DIAPH3: variants seen among roughly 807,000 people sequenced by gnomAD.
The protein encoded by DIAPH3 is protein diaphanous homolog 3.
A neutral mutation model predicts 144.3 loss-of-function variants in DIAPH3; 117 were observed. That is an observed-to-expected ratio of 0.81 (90% CI 0.70 to 0.95). The LOEUF is 0.95. DIAPH3 is among the 40% of genes least tolerant of loss of function. DIAPH3 has a pLI of 0.00. For missense variants in DIAPH3, 1,421 were observed against 1,412.7 expected, an observed-to-expected ratio of 1.01 and a Z score of -0.09; for synonymous variants, 519 against 488.9, an observed-to-expected ratio of 1.06 and a Z score of -0.81.
chr13:59,894,235 G>A (rs947982337), intron 20 of DIAPH3, among the ~76,000 whole-genome samples: 5 of 152,016 alleles, frequency 3.3e-5, no homozygotes, highest in African/African-American at 1.2e-4. Flanking sequence ...CAGAATGGGA[G>A]ATACTAAAAT....
chr13:59,670,328 A>G (rs1190377437), intron 27 of DIAPH3, among the ~76,000 whole-genome samples: 1 of 152,216 alleles, frequency 6.6e-6, no homozygotes, highest in Non-Finnish European at 1.5e-5. Context: ...AGATGTTTAT[A>G]GCTTTCTTAG....
At chr13:59,939,147 C>A (rs2048399782) in intron 17 of DIAPH3, among the ~76,000 whole-genome samples, 1 of 152,146 alleles carries the variant, frequency 6.6e-6, no homozygotes, top group South Asian at 2.1e-4. Flanking sequence ...AAACTGGGAT[C>A]ATTTAAAATG....
chr13:59,972,290 G>C (rs985375394), intron 15 of DIAPH3, among the ~76,000 whole-genome samples: 1 of 152,118 alleles, frequency 6.6e-6, no homozygotes, highest in Admixed American at 6.5e-5. Context: ...AACCGCCTGT[G>C]TCCACTGGTC....
intron 21 of DIAPH3, among the ~76,000 whole-genome samples, chr13:59,866,899 T>G (rs1317167354): frequency 2.0e-5 from 3 of 151,722 alleles, no homozygotes; most frequent in Non-Finnish European, 2.9e-5. Context: ...GACAGAAAGC[T>G]CAAAAAGTCA....
chr13:59,822,440 A>C (rs1420674871), intron 24 of DIAPH3, among the ~76,000 whole-genome samples: 2 of 151,736 alleles, frequency 1.3e-5, no homozygotes, highest in Non-Finnish European at 2.9e-5. Flanking sequence ...TTATTTATTT[A>C]TTTATTTATT....
intron 25 of DIAPH3, among the ~76,000 whole-genome samples, chr13:59,779,684 G>T (rs755973441): frequency 6.6e-6 from 1 of 151,702 alleles, no homozygotes; most frequent in African/African-American, 2.4e-5. Flanking sequence ...CCTAATTTTT[G>T]CATTTTTACT....
At chr13:59,915,552 T>G (rs2047182586) in intron 19 of DIAPH3, among the ~76,000 whole-genome samples, 1 of 152,104 alleles carries the variant, frequency 6.6e-6, no homozygotes. Context: ...AACTTTAAAT[T>G]TTATCAAGAT....
chr13:60,019,892 A>T (rs1408785883), intron 5 of DIAPH3, among the ~76,000 whole-genome samples: 1 of 151,326 alleles, frequency 6.6e-6, no homozygotes, highest in Non-Finnish European at 1.5e-5. Context: ...TTTTTCCCAA[A>T]GACTGATCTC....
At chr13:60,151,999 T>C (rs1951810269) in intron 1 of DIAPH3, among the ~76,000 whole-genome samples, 1 of 152,200 alleles carries the variant, frequency 6.6e-6, no homozygotes. Context: ...GTAAAGTCCA[T>C]AATTAATGTC....
At chr13:59,730,174 G>C (rs566347580) in intron 27 of DIAPH3, among the ~76,000 whole-genome samples, 10 of 152,246 alleles carry the variant, frequency 6.6e-5, no homozygotes, top group African/African-American at 2.4e-4. Flanking sequence ...AGCAAAACTA[G>C]TCTTAGACAT....
chr13:60,112,833 G>A (rs1342430342), intron 2 of DIAPH3, among the ~76,000 whole-genome samples: 1 of 151,976 alleles, frequency 6.6e-6, no homozygotes, highest in Non-Finnish European at 1.5e-5. Context: ...TAATCAAATA[G>A]CTTGCTGACA....
At chr13:59,769,807 C>T (rs2038031879) in intron 27 of DIAPH3, among the ~76,000 whole-genome samples, 1 of 152,016 alleles carries the variant, frequency 6.6e-6, no homozygotes, top group Non-Finnish European at 1.5e-5. Context: ...TTTCTTAACA[C>T]TCAAACACCA....
chr13:59,785,475 C>T (rs563035437), intron 25 of DIAPH3, among the ~76,000 whole-genome samples: 1 of 152,190 alleles, frequency 6.6e-6, no homozygotes, highest in African/African-American at 2.4e-5. Context: ...TCTCCTTGTG[C>T]CTCCTCATAC....
Position 60,012,759 on chromosome 13 carries a change from C to A in DIAPH3, c.772-2090G>T, listed in dbSNP as rs183122247. On this transcript the variant is annotated intron_variant, in intron 7 of 27. Transcript: ENST00000400324. Reference sequence around the variant, plus strand: ...GATACTACCTGCCTTCTCTGCCAAACCCTCTGGCCCTAACCTATCATGTAT... The same window carrying A: ...GATACTACCTGCCTTCTCTGCCAAAACCTCTGGCCCTAACCTATCATGTAT... 384 of 155,108 alleles carry A rather than the reference C, an allele frequency of 2.5e-3. 2 individuals are homozygous for A. The highest frequency in any genetic ancestry group is 8.9e-3 in the African/African-American group (372 of 41,624). The allele number at this position is 155,108 out of a possible 1,614,324, so 9.6% of individuals were successfully genotyped here.
At chr13:59,695,273 G>A (rs1016980148) in intron 27 of DIAPH3, 8 of 152,210 alleles carry the variant, frequency 5.3e-5, no homozygotes, top group African/African-American at 1.7e-4. Flanking sequence ...CAGCATAAAT[G>A]TCTTTAAAGA....
At chr13:59,680,322 A>G (rs1462798416) in intron 27 of DIAPH3, among the ~76,000 whole-genome samples, 1 of 152,202 alleles carries the variant, frequency 6.6e-6, no homozygotes, top group African/African-American at 2.4e-5. Flanking sequence ...AGAGCTTGTT[A>G]TGAACTTTAG....
chr13:59,848,521 G>A (rs1043264964), intron 22 of DIAPH3, among the ~76,000 whole-genome samples: 2 of 141,764 alleles, frequency 1.4e-5, no homozygotes, highest in Non-Finnish European at 3.1e-5. Context: ...ATGTGTCCAT[G>A]TGATCTCATT....
At chr13:59,723,959 T>TAAAAAAAAAA (rs144643410) in intron 27 of DIAPH3, among the ~76,000 whole-genome samples, 1 of 133,790 alleles carries the variant, frequency 7.5e-6, no homozygotes, top group African/African-American at 2.8e-5. Flanking sequence ...TGTTAAAAGT[T>TAAAAAAAAAA]AAAAAAAAAA....
At chr13:60,146,737 T>A (rs1185690948) in intron 1 of DIAPH3, among the ~76,000 whole-genome samples, 1 of 152,206 alleles carries the variant, frequency 6.6e-6, no homozygotes, top group Admixed American at 6.5e-5. Context: ...TTAAGCATAT[T>A]TGTATAGGAC....
Sources: allele counts gnomAD v4.1 joint callset (sites outside exome capture counted in the v4.1 genomes callset), GRCh38; gene constraint gnomAD v4.1.1; transcripts MANE v1.5; gene names NCBI Gene and HGNC (gene_info 2026-07-23, HGNC 2026-07-21).